Variants in TLL2 observed in about 807,000 individuals in gnomAD.
TLL2 encodes the protein tolloid-like protein 2.
TLL2 carries 106 observed loss-of-function variants against 123.0 expected under a neutral mutation model. The ratio of observed to expected loss-of-function variants is 0.86; its 90% CI spans 0.74 to 1.01. The LOEUF (loss-of-function observed/expected upper bound fraction) is 1.01, where lower values mean the gene tolerates loss of function less well. TLL2 is among the 50% of genes least tolerant of loss of function. The pLI is 0.00. For synonymous variants in TLL2, 494 were observed against 516.8 expected (o/e 0.96, Z 0.60); for missense variants, 1,332 against 1,336.7 (o/e 1.00, Z 0.06).
At chr10:96,480,573 C>T (rs1193307376) in intron 1 of TLL2, 114 bp from the exon 2 acceptor site, 2 of 797,740 alleles carry the variant, frequency 2.5e-6, no homozygotes, top group South Asian at 1.6e-5. Flanking sequence ...AAAGACAGCC[C>T]ATCCAGTAAA....
intron 1 of TLL2, among the ~76,000 whole-genome samples, chr10:96,480,915 G>A (rs1847306733): frequency 6.6e-6 from 1 of 152,196 alleles, no homozygotes; most frequent in African/African-American, 2.4e-5. Flanking sequence ...TGGCCACACA[G>A]CCTGCTCTAA....
intron 8 of TLL2, among the ~76,000 whole-genome samples, chr10:96,411,045 C>T (rs1846499971): frequency 6.6e-6 from 1 of 151,968 alleles, no homozygotes; most frequent in Admixed American, 6.6e-5. Context: ...AGTTCGAGAC[C>T]AGCCTGGCCA....
At chr10:96,476,248 T>TGTTTGTTGTTGTTGTTG (rs1554939656) in intron 2 of TLL2, among the ~76,000 whole-genome samples, 2 of 69,244 alleles carry the variant, frequency 2.9e-5, no homozygotes, top group African/African-American at 1.2e-4. Flanking sequence ...ATATTTTATT[T>TGTTTGTTGTTGTTGTTG]TTGTTGTTGT....
rs767279257 is a variant in TLL2, at chr10:96,488,347, A to G, written c.176-7888T>C. 2.1e-4 allele frequency among the ~76,000 whole-genome samples: 32 copies of G among 152,332 alleles called. No homozygotes were observed. In the South Asian group the frequency reaches 2.5e-3, roughly 12 times the overall value. ...TTACCGACAACAGCTGCAAGAGGGC[A>G]TGGCCTGGCCCTTCCGCAGCACCTG... On this transcript the variant is annotated intron_variant, in intron 1 of 20. Transcript: ENST00000357947.
At position 96,405,319 on chromosome 10, in the gene TLL2, TG is replaced by T; in HGVS notation, c.1179del (p.Phe393LeufsTer76). 6.2e-7 allele frequency: 1 copy of T among 1,614,154 alleles called. No homozygotes were observed. The highest frequency in any genetic ancestry group is 8.5e-7 in the Non-Finnish European group (1 of 1,179,992). On this transcript the variant is annotated frameshift_variant, in exon 10 of 21. Coordinates refer to ENST00000357947, the MANE Select transcript of TLL2 (RefSeq NM_012465.4). LOFTEE classifies it high-confidence loss of function. ...CGGCTTTTAAACAAATCCATGGATG[TG>T]AAGTTTAATACGATCTGTAAAGAAT... ...VTPGEKIVLN[F>X]TSMDLFKSRL... is the part of the protein sequence containing the mutation.
intron 3 of TLL2, among the ~76,000 whole-genome samples, chr10:96,438,547 T>C (rs1392788835): frequency 6.6e-6 from 1 of 152,248 alleles, no homozygotes; most frequent in African/African-American, 2.4e-5. Context: ...GGCTTTTCTT[T>C]TTCCTTAATA....
At chr10:96,495,697 G>A (rs749591143) in intron 1 of TLL2, among the ~76,000 whole-genome samples, 1 of 152,034 alleles carries the variant, frequency 6.6e-6, no homozygotes, top group Non-Finnish European at 1.5e-5. Flanking sequence ...GGAGAGGTTC[G>A]GGCTCTTGGA....
chr10:96,418,407 C>T (rs74151316), intron 7 of TLL2, among the ~76,000 whole-genome samples: 1,763 of 152,312 alleles, frequency 0.012, 33 homozygotes, highest in African/African-American at 0.04. Context: ...CTTACAGATT[C>T]ACCTTACTAA....
At position 96,405,310 on chromosome 10, in the gene TLL2, C is replaced by A; in HGVS notation, c.1189G>T (p.Asp397Tyr). 6.2e-7 allele frequency: 1 copy of A among 1,614,156 alleles called. No homozygotes were observed. The highest frequency in any genetic ancestry group is 8.5e-7 in the Non-Finnish European group (1 of 1,180,022). The change falls in exon 10 of 21, where the codon GAT becomes TAT. Residue 397 changes from aspartate (D) to tyrosine (Y), a missense_variant. Asp to Tyr is a radical substitution (Grantham distance 160). Coordinates refer to ENST00000357947, the MANE Select transcript of TLL2 (RefSeq NM_012465.4). ...EKIVLNFTSM[D>Y]LFKSRLCWYD... ...CAGCACAGTCGGCTTTTAAACAAAT[C>A]CATGGATGTGAAGTTTAATACGATC...
chr10:96,400,586 G>C (rs532526425), intron 10 of TLL2, among the ~76,000 whole-genome samples: 2 of 152,250 alleles, frequency 1.3e-5, no homozygotes, highest in African/African-American at 4.8e-5. Context: ...CATCATTTCT[G>C]CTCATTTGGG....
At chr10:96,488,813 T>C (rs1847382766) in intron 1 of TLL2, among the ~76,000 whole-genome samples, 1 of 152,202 alleles carries the variant, frequency 6.6e-6, no homozygotes, top group South Asian at 2.1e-4. Context: ...CAATGGTGTC[T>C]GAACCAGCAG....
intron 20 of TLL2, among the ~76,000 whole-genome samples, chr10:96,369,760 GA>G (rs112144254): frequency 0.021 from 2,174 of 105,678 alleles, 17 homozygotes; most frequent in African/African-American, 0.031. Context: ...GGAAAAAAAA[GA>G]AAAAAAAAAA....
chr10:96,469,100 C>T (rs2134098055), intron 2 of TLL2, among the ~76,000 whole-genome samples: 1 of 152,386 alleles, frequency 6.6e-6, no homozygotes, highest in South Asian at 2.1e-4. Context: ...CCCTCCTTTC[C>T]AGCTAGCACC....
rs1371598276 is a variant in TLL2, at chr10:96,366,734, T to C, written c.*1354A>G. 2.0e-5 allele frequency: 3 copies of C among 152,518 alleles called. No individual in the cohort carries two copies. Among genetic ancestry groups the C allele is most frequent in the East Asian group, 1.9e-4 (1 of 5,204 alleles). The allele number at this position is 152,518 out of a possible 1,614,324, so 9.4% of individuals were successfully genotyped here. ...AAAAACACTCATGTGCCGCCCTGCG[T>C]CCAACAACAACCAAACAGGACTTAC... On this transcript the variant is annotated 3_prime_UTR_variant, in exon 21 of 21. Coordinates refer to ENST00000357947, the MANE Select transcript of TLL2 (RefSeq NM_012465.4).
intron 8 of TLL2, among the ~76,000 whole-genome samples, chr10:96,412,528 G>A (rs1226938645): frequency 6.6e-6 from 1 of 152,182 alleles, no homozygotes; most frequent in Non-Finnish European, 1.5e-5. Flanking sequence ...GAAGCCAAGG[G>A]GATGGAAGAC....
At chr10:96,371,345 TAAATA>T (rs967695272) in intron 19 of TLL2, among the ~76,000 whole-genome samples, 1 of 148,218 alleles carries the variant, frequency 6.7e-6, no homozygotes, top group African/African-American at 2.5e-5. Flanking sequence ...AGTAAATAAA[TAAATA>T]AAATAGATAG....
In TLL2 at chr10:96,432,892, G is replaced by A; in HGVS notation, c.435C>T (p.Pro145=). 2 of 1,614,124 alleles carry A rather than the reference G, an allele frequency of 1.2e-6. No individual in the cohort carries two copies. Residue 145 remains proline, a synonymous_variant, in exon 4 of 21, where the codon CCC becomes CCT. Transcript: ENST00000357947. Reference sequence around the variant, plus strand: ...TTGAGGTTGTGGCTCTTCGGACCCGGGGAGAGAAGGTCTTGGCTGCGGCAT... The same window carrying A: ...TTGAGGTTGTGGCTCTTCGGACCCGAGGAGAGAAGGTCTTGGCTGCGGCAT... ...TLHAAAKTFS[P]RVRRATTSRT... is the part of the protein sequence containing the mutation.
rs1226866396 is a variant in TLL2, at chr10:96,365,450, C to CA, written c.*2637dup. 1 of 152,240 alleles carries CA rather than the reference C, an allele frequency of 6.6e-6. No individual in the cohort carries two copies. The highest frequency in any genetic ancestry group is 2.4e-5 in the African/African-American group (1 of 41,464). The allele number at this position is 152,240 out of a possible 1,614,324, so 9.4% of individuals were successfully genotyped here. A position where few individuals can be genotyped will look rare whatever the true frequency, so the allele number is the denominator to read the frequency against. ...CCAGAACGGAGCCAGGCTAAAAACC[C>CA]AGACCCCAAATCCTTCATTAGCCTG... On this transcript the variant is annotated 3_prime_UTR_variant, in exon 21 of 21. Transcript: ENST00000357947.
At chr10:96,414,400 C>G (rs867177305) in intron 7 of TLL2, among the ~76,000 whole-genome samples, 4 of 152,196 alleles carry the variant, frequency 2.6e-5, no homozygotes, top group African/African-American at 9.7e-5. Context: ...CAGTAGACAG[C>G]TTCCAATCTC....
Sources: gnomAD v4.1 joint callset for allele counts (sites outside exome capture counted in the v4.1 genomes callset) on GRCh38, gnomAD v4.1.1 for gene constraint, MANE v1.5 for transcripts, NCBI Gene and HGNC (gene_info 2026-07-23, HGNC 2026-07-21) for gene names.